KCNB2: variants seen among roughly 807,000 people sequenced by gnomAD.
KCNB2 encodes the protein delayed rectifier potassium channel protein.
A neutral mutation model predicts 61.5 loss-of-function variants in KCNB2; 15 were observed. That is an observed-to-expected ratio of 0.24 (90% CI 0.16 to 0.38). The LOEUF is 0.38. KCNB2 is among the 10% of genes least tolerant of loss of function. The pLI is 1.00. For missense variants in KCNB2, 828 were observed against 1,125.2 expected (o/e 0.74, Z 3.78); for synonymous variants, 457 against 446.0 (o/e 1.02, Z -0.31).
chr8:72,862,425 C>G (rs563199514), intron 2 of KCNB2, among the ~76,000 whole-genome samples: 1 of 152,082 alleles, frequency 6.6e-6, no homozygotes, highest in Non-Finnish European at 1.5e-5. Context: ...ATAGTCCATT[C>G]CTTTCTACAA....
chr8:72,605,364 T>C (rs959329067), intron 2 of KCNB2, among the ~76,000 whole-genome samples: 1 of 152,182 alleles, frequency 6.6e-6, no homozygotes, highest in Non-Finnish European at 1.5e-5. Flanking sequence ...GTAGTGTTGG[T>C]AGCTTTTGAT....
chr8:72,847,898 C>T (rs1810025704), intron 2 of KCNB2, among the ~76,000 whole-genome samples: 2 of 152,072 alleles, frequency 1.3e-5, no homozygotes, highest in African/African-American at 4.8e-5. Flanking sequence ...CCTCCCAGAG[C>T]AATATTTGCT....
At chr8:72,586,841 C>T (rs1434818667) in intron 2 of KCNB2, among the ~76,000 whole-genome samples, 2 of 152,208 alleles carry the variant, frequency 1.3e-5, no homozygotes, top group Non-Finnish European at 2.9e-5. Flanking sequence ...TTAAAAGCTG[C>T]CTCCAGTCCT....
intron 1 of KCNB2, among the ~76,000 whole-genome samples, chr8:72,538,117 C>G (rs1214647909): frequency 4.6e-5 from 7 of 152,032 alleles, no homozygotes; most frequent in African/African-American, 1.7e-4. Context: ...AGCAGCCTGA[C>G]TGGGAAGGGA....
At chr8:72,539,146 C>T (rs1806156281) in intron 1 of KCNB2, among the ~76,000 whole-genome samples, 1 of 152,128 alleles carries the variant, frequency 6.6e-6, no homozygotes, top group Admixed American at 6.5e-5. Context: ...CCCATCTAGA[C>T]TAGACATCTA....
intron 2 of KCNB2, among the ~76,000 whole-genome samples, chr8:72,897,704 C>T (rs1474680232): frequency 6.6e-6 from 1 of 152,094 alleles, no homozygotes; most frequent in Non-Finnish European, 1.5e-5. Context: ...CAGCATGCCC[C>T]CGCATTTGGG....
intron 2 of KCNB2, among the ~76,000 whole-genome samples, chr8:72,662,877 A>C (rs1806403534): frequency 6.6e-6 from 1 of 152,206 alleles, no homozygotes; most frequent in Admixed American, 6.5e-5. Flanking sequence ...TTCAACTATG[A>C]GCAAGGAAAG....
intron 2 of KCNB2, among the ~76,000 whole-genome samples, chr8:72,825,117 A>T (rs567992058): frequency 6.6e-6 from 1 of 152,266 alleles, no homozygotes; most frequent in African/African-American, 2.4e-5. Flanking sequence ...TGACTACTCT[A>T]GGCACTACAT....
Position 72,937,202 on chromosome 8 carries a change from CAGAG to C in KCNB2, c.1851_1854del (p.Glu617AspfsTer14). 1.2e-6 allele frequency: 2 copies of C among 1,614,118 alleles called. No individual in the cohort carries two copies. The highest frequency in any genetic ancestry group is 1.7e-6 in the Non-Finnish European group (2 of 1,180,018). ...AGCTGTGCCACCGACTTCACAGAGA[CAGAG>C]AGATCGCCGCTGCCGCCGCCCTCCG... On this transcript the variant is annotated frameshift_variant, in exon 3 of 3. Coordinates refer to ENST00000523207, the MANE Select transcript of KCNB2 (RefSeq NM_004770.3). LOFTEE classifies it high-confidence loss of function.
At chr8:72,922,938 G>T (rs568112329) in intron 2 of KCNB2, among the ~76,000 whole-genome samples, 1 of 151,860 alleles carries the variant, frequency 6.6e-6, no homozygotes, top group East Asian at 1.9e-4. Context: ...TATGTTTTAG[G>T]GAGACATAAG....
intron 2 of KCNB2, among the ~76,000 whole-genome samples, chr8:72,665,425 G>A (rs1296148984): frequency 1.3e-5 from 2 of 152,142 alleles, no homozygotes; most frequent in Admixed American, 6.5e-5. Flanking sequence ...GCCTGTCACA[G>A]ACCTGCTGCT....
rs73686554 is a variant in KCNB2, at chr8:72,882,286, G to A, written c.580-53649G>A. Among the ~76,000 whole-genome samples, 275 of 152,250 alleles carry A rather than the reference G, an allele frequency of 1.8e-3. 3 individuals are homozygous for A. Among genetic ancestry groups the A allele is most frequent in the African/African-American group, 6.5e-3 (268 of 41,536 alleles). ...TTGGTTTCCCCATCTGCAGTAAGCT[G>A]TTATAAAGGAACTGGAAAAACTCAC... On this transcript the variant is annotated intron_variant, in intron 2 of 2. Coordinates refer to ENST00000523207, the MANE Select transcript of KCNB2 (RefSeq NM_004770.3).
chr8:72,567,639 C>T lies in KCNB2; in HGVS notation c.-93-3C>T. ...TAACCAAGTGATTGTTGCTTTCTTC[C>T]AGCTTTGTCAGTGGAAATGCCTGCC... On this transcript the variant is annotated splice_region_variant and splice_polypyrimidine_tract_variant and intron_variant, in intron 1 of 2. Coordinates refer to ENST00000523207, the MANE Select transcript of KCNB2 (RefSeq NM_004770.3). 1 of 777,396 alleles carries T rather than the reference C, an allele frequency of 1.3e-6. No homozygotes were observed. The highest frequency in any genetic ancestry group is 2.5e-5 in the Admixed American group (1 of 40,616). 48.2% of individuals were successfully genotyped at this position (777,396 alleles called of 1,614,324 possible).
intron 2 of KCNB2, among the ~76,000 whole-genome samples, chr8:72,908,122 T>C (rs911353086): frequency 6.6e-6 from 1 of 152,216 alleles, no homozygotes; most frequent in Non-Finnish European, 1.5e-5. Flanking sequence ...CCTGATTCTT[T>C]CAGCAGATAT....
intron 2 of KCNB2, among the ~76,000 whole-genome samples, chr8:72,648,435 G>A (rs149464585): frequency 9.2e-5 from 14 of 152,030 alleles, no homozygotes; most frequent in Non-Finnish European, 1.9e-4. Flanking sequence ...CCCATGCCAA[G>A]CTAATTTTTT....
At chr8:72,830,692 A>G (rs1337420197) in intron 2 of KCNB2, among the ~76,000 whole-genome samples, 1 of 152,218 alleles carries the variant, frequency 6.6e-6, no homozygotes, top group Non-Finnish European at 1.5e-5. Context: ...GCTCATCAGC[A>G]GGCAGACATG....
intron 2 of KCNB2, among the ~76,000 whole-genome samples, chr8:72,748,361 C>T (rs149219924): frequency 1.3e-3 from 192 of 152,194 alleles, no homozygotes; most frequent in African/African-American, 4.1e-3. Context: ...TTCAACAGAC[C>T]TCCCAACCTT....
At chr8:72,742,533 G>T (rs377062613) in intron 2 of KCNB2, among the ~76,000 whole-genome samples, 1 of 152,128 alleles carries the variant, frequency 6.6e-6, no homozygotes. Context: ...GGCAGAATAC[G>T]CTGGCCTGCT....
chr8:72,539,077 G>GTA (rs1197739765), intron 1 of KCNB2, among the ~76,000 whole-genome samples: 1 of 152,008 alleles, frequency 6.6e-6, no homozygotes, highest in Non-Finnish European at 1.5e-5. Flanking sequence ...AGGGGCATGT[G>GTA]TGTGTGTGTG....
Sources: allele counts gnomAD v4.1 joint callset (sites outside exome capture counted in the v4.1 genomes callset), GRCh38; gene constraint gnomAD v4.1.1; transcripts MANE v1.5; gene names NCBI Gene and HGNC (gene_info 2026-07-23, HGNC 2026-07-21).